Variants in ZFPM1 observed in about 807,000 individuals in gnomAD.
The protein encoded by ZFPM1 is zinc finger protein ZFPM1.
A neutral mutation model predicts 46.3 loss-of-function variants in ZFPM1; 28 were observed. That is an observed-to-expected ratio of 0.60 (90% confidence interval 0.45 to 0.83). The LOEUF is 0.83. ZFPM1 is among the 40% of genes least tolerant of loss of function. ZFPM1 has a pLI of 0.00. For missense variants in ZFPM1, 1,878 were observed against 1,432.4 expected (o/e 1.31, Z -5.02); for synonymous variants, 957 against 675.9 (o/e 1.42, Z -6.45).
At chr16:88,508,271 T>A (rs1329645406) in intron 3 of ZFPM1, among the ~76,000 whole-genome samples, 2 of 152,166 alleles carry the variant, frequency 1.3e-5, no homozygotes, top group Non-Finnish European at 2.9e-5. Flanking sequence ...CACTCCAGGC[T>A]GGGTGACAGT....
Position 88,534,996 on chromosome 16 carries a change from C to A in ZFPM1, c.*17C>A. The A allele has an allele frequency of 7.2e-7, 1 of 1,385,212 alleles. No homozygotes were observed. Among genetic ancestry groups the A allele is most frequent in the Non-Finnish European group, 9.5e-7 (1 of 1,056,676 alleles). 85.8% of individuals were successfully genotyped at this position (1,385,212 alleles called of 1,614,324 possible). Reference sequence around the variant, plus strand: ...GTGAAGTGAGCGCCCACACTACAGCCGCAGACGCTTTGCACGCCCCGCTGC... The same window carrying A: ...GTGAAGTGAGCGCCCACACTACAGCAGCAGACGCTTTGCACGCCCCGCTGC... On this transcript the variant is annotated 3_prime_UTR_variant, in exon 10 of 10. Transcript: ENST00000319555.
chr16:88,530,853 G>A (rs561972706), intron 6 of ZFPM1: 1 of 152,336 alleles, frequency 6.6e-6, no homozygotes, highest in Non-Finnish European at 1.5e-5. Flanking sequence ...TTGAGAAACA[G>A]AAATCAACAG....
chr16:88,505,639 T>C (rs746492375), intron 3 of ZFPM1, among the ~76,000 whole-genome samples: 3 of 152,088 alleles, frequency 2.0e-5, no homozygotes, highest in Non-Finnish European at 4.4e-5. Flanking sequence ...GGCATCACCA[T>C]ACCTGGCATC....
In ZFPM1 at chr16:88,536,136, T is replaced by A. The variant is rs1913237031; in HGVS notation, c.*1157T>A. ...ATGCCCAGCTAGTTTTTGTGTTTTT[T>A]GTAGAAATGGTGTCTCCCTATGTTG... On this transcript the variant is annotated 3_prime_UTR_variant, in exon 10 of 10. Transcript: ENST00000319555. 6.6e-6 allele frequency: 1 copy of A among 152,148 alleles called. No individual in the cohort carries two copies. The highest frequency in any genetic ancestry group is 6.5e-5 in the Admixed American group (1 of 15,284). The allele number at this position is 152,148 out of a possible 1,614,324, so 9.4% of individuals were successfully genotyped here.
chr16:88,474,684 G>T (rs1169267484), intron 1 of ZFPM1, among the ~76,000 whole-genome samples: 1 of 152,206 alleles, frequency 6.6e-6, no homozygotes, highest in Non-Finnish European at 1.5e-5. Flanking sequence ...TCTGAAGCCA[G>T]CCCCCACGCC....
At chr16:88,460,432 G>A (rs1197201174) in intron 1 of ZFPM1, among the ~76,000 whole-genome samples, 1 of 152,206 alleles carries the variant, frequency 6.6e-6, no homozygotes, top group Non-Finnish European at 1.5e-5. Flanking sequence ...CCCTGCCTCG[G>A]TTGGTTCAAT....
At chr16:88,467,805 C>G (rs1188475701) in intron 1 of ZFPM1, among the ~76,000 whole-genome samples, 2 of 152,086 alleles carry the variant, frequency 1.3e-5, no homozygotes, top group African/African-American at 4.8e-5. Flanking sequence ...GGGGTGTTTT[C>G]TACTCTACCA....
intron 4 of ZFPM1, chr16:88,515,968 A>G (rs2047761329): frequency 2.5e-6 from 1 of 395,714 alleles, no homozygotes; most frequent in Non-Finnish European, 4.4e-6. Flanking sequence ...TCAAAGTGTC[A>G]AGAAAACCCA....
In ZFPM1 at chr16:88,533,203, C is replaced by A; in HGVS notation, c.1245C>A (p.Ser415=). Reference sequence around the variant, plus strand: ...CGGCCCTGCAAGGCCCCCTGGCCTCCGCGGACCTGGGCCTGGCGCCCACCC... The same window carrying A: ...CGGCCCTGCAAGGCCCCCTGGCCTCAGCGGACCTGGGCCTGGCGCCCACCC... ...QHTALQGPLA[S]ADLGLAPTPS... Residue 415 remains serine, a synonymous_variant, in exon 10 of 10, where the codon TCC becomes TCA. Coordinates refer to ENST00000319555, the MANE Select transcript of ZFPM1 (RefSeq NM_153813.3). 3 of 1,550,412 alleles carry A rather than the reference C, an allele frequency of 1.9e-6. No homozygotes were observed. Among genetic ancestry groups the A allele is most frequent in the East Asian group, 2.3e-5 (1 of 43,408 alleles).
Position 88,495,184 on chromosome 16 carries a change from G to A in ZFPM1, c.268+6031G>A, listed in dbSNP as rs990369926. ...GAGGGGTGGAGCCGGGGTCCCATTCGACTCCCTGGGGTCCTGGGCTGGCCC... is the reference window on the plus strand; with the variant it reads ...GAGGGGTGGAGCCGGGGTCCCATTCAACTCCCTGGGGTCCTGGGCTGGCCC... On this transcript the variant is annotated intron_variant, in intron 3 of 9. Transcript: ENST00000319555. Among the ~76,000 whole-genome samples, 23 of 152,226 alleles carry A rather than the reference G, an allele frequency of 1.5e-4. 1 individual carries two copies. Among genetic ancestry groups the A allele is most frequent in the South Asian group, 4.1e-4 (2 of 4,828 alleles).
rs1908431394 is a variant in ZFPM1 at position 88,471,711 on chromosome 16, C to G, written c.41-14228C>G. Among the ~76,000 whole-genome samples, 1 of 152,272 alleles carries G rather than the reference C, an allele frequency of 6.6e-6. No individual in the cohort carries two copies. The highest frequency in any genetic ancestry group is 2.4e-5 in the African/African-American group (1 of 41,476). On this transcript the variant is annotated intron_variant, in intron 1 of 9. Transcript: ENST00000319555. This position sits in a 1 kb window ranked among gnomAD's most constrained non-coding sequence, Gnocchi z 4.1. ...GGGGTCAGGGCTCCCGGCTCTAAAGCCACATGGCCTGGGCATGAATTCCTG... is the reference window on the plus strand; with the variant it reads ...GGGGTCAGGGCTCCCGGCTCTAAAGGCACATGGCCTGGGCATGAATTCCTG...
chr16:88,536,585 C>T lies in ZFPM1; in HGVS notation c.*1606C>T, dbSNP rs907808965. The T allele has an allele frequency of 1.3e-5, 2 of 152,264 alleles. No homozygotes were observed. Among genetic ancestry groups the T allele is most frequent in the Non-Finnish European group, 2.9e-5 (2 of 68,056 alleles). 9.4% of individuals were successfully genotyped at this position (152,264 alleles called of 1,614,324 possible). A position where few individuals can be genotyped will look rare whatever the true frequency, so the allele number is the denominator to read the frequency against. On this transcript the variant is annotated 3_prime_UTR_variant, in exon 10 of 10. Transcript: ENST00000319555. Reference sequence around the variant, plus strand: ...CTTGCCTCAGAAGCCCGAGGCACTTCCCAGCCAGTCCAGGGCTCGCTCTCC... The same window carrying T: ...CTTGCCTCAGAAGCCCGAGGCACTTTCCAGCCAGTCCAGGGCTCGCTCTCC...
At chr16:88,452,908 C>G (rs1014089028), upstream of ZFPM1, among the ~76,000 whole-genome samples, 1 of 152,288 alleles carries the variant, frequency 6.6e-6, no homozygotes. Context: ...GACATGACCT[C>G]CGGGCCAAAG....
At chr16:88,516,573 C>T (rs1252580782) in intron 4 of ZFPM1, 4 of 398,534 alleles carry the variant, frequency 1.0e-5, no homozygotes, top group South Asian at 1.3e-4. Flanking sequence ...GCGCTATCTC[C>T]GCCTTGGCGC....
Position 88,497,951 on chromosome 16 carries a change from C to T in ZFPM1, c.268+8798C>T, listed in dbSNP as rs912594666. On this transcript the variant is annotated intron_variant, in intron 3 of 9. Coordinates refer to ENST00000319555, the MANE Select transcript of ZFPM1 (RefSeq NM_153813.3). This position sits in a 1 kb window ranked among gnomAD's most constrained non-coding sequence, Gnocchi z 5.4. The stretch of plus-strand genomic sequence containing the variant: ...CCTGATGGACAGCAGGGAGATGGGC[C>T]GATAGGCGACTGGCTCCCTCCCCAC... Among the ~76,000 whole-genome samples the T allele has an allele frequency of 1.3e-5, 2 of 152,188 alleles. No individual in the cohort carries two copies. The highest frequency in any genetic ancestry group is 2.9e-5 in the Non-Finnish European group (2 of 68,014).
In ZFPM1 at chr16:88,469,650, C is replaced by T. The variant is rs539018231; in HGVS notation, c.40+15972C>T. ...AAGACCAGGATGAGGCAGGCTCCGC[C>T]GGCCTGAGACCTGGCTGGAGGCCCT... On this transcript the variant is annotated intron_variant, in intron 1 of 9. Coordinates refer to ENST00000319555, the MANE Select transcript of ZFPM1 (RefSeq NM_153813.3). This position sits in a 1 kb window ranked among gnomAD's most constrained non-coding sequence, Gnocchi z 4.3. 1.3e-5 allele frequency among the ~76,000 whole-genome samples: 2 copies of T among 152,332 alleles called. No individual in the cohort carries two copies. The highest frequency in any genetic ancestry group is 2.1e-4 in the South Asian group (1 of 4,830).
intron 1 of ZFPM1, among the ~76,000 whole-genome samples, chr16:88,455,099 C>G (rs1031985987): frequency 4.0e-5 from 6 of 151,540 alleles, no homozygotes; most frequent in African/African-American, 1.5e-4. Context: ...TTTCTTTTTC[C>G]TTCCTTCCCT....
intron 4 of ZFPM1, among the ~76,000 whole-genome samples, chr16:88,525,511 A>G (rs1912243470): frequency 1.3e-5 from 2 of 152,226 alleles, no homozygotes; most frequent in African/African-American, 4.8e-5. Flanking sequence ...TTTGTATAGA[A>G]CAAAAAGTGT....
intron 7 of ZFPM1, 29 bp from the exon 8 acceptor site, chr16:88,532,585 G>A (rs1054763921): frequency 1.9e-6 from 3 of 1,547,222 alleles, no homozygotes. Flanking sequence ...GCTGGCCCGG[G>A]CACCGCTCTT....
Sources: gnomAD v4.1 joint callset for allele counts (sites outside exome capture counted in the v4.1 genomes callset) on GRCh38, gnomAD v4.1.1 for gene constraint, Gnocchi (gnomAD v3.1) non-coding constraint, MANE v1.5 for transcripts, NCBI Gene and HGNC (gene_info 2026-07-23, HGNC 2026-07-21) for gene names.